RNF111: variants seen among roughly 807,000 people sequenced by gnomAD.
RNF111 encodes the protein E3 ubiquitin-protein ligase Arkadia.
A neutral mutation model predicts 95.1 loss-of-function variants in RNF111; 17 were observed. The ratio of observed to expected loss-of-function variants is 0.18; its 90% CI spans 0.12 to 0.27. The LOEUF (loss-of-function observed/expected upper bound fraction) is 0.27. Among genes scored for constraint, RNF111 ranks in the 10% least tolerant of loss-of-function variants. The pLI, the probability that RNF111 is intolerant of heterozygous loss-of-function variation, is 1.00. For synonymous variants in RNF111, 440 were observed against 414.8 expected (o/e 1.06, Z -0.74); for missense variants, 1,189 against 1,210.4 (o/e 0.98, Z 0.26).
At chr15:59,073,225 C>T (rs181422739) in intron 6 of RNF111, among the ~76,000 whole-genome samples, 1 of 152,166 alleles carries the variant, frequency 6.6e-6, no homozygotes, top group Admixed American at 6.6e-5. Flanking sequence ...AATCCCAGCA[C>T]TTTGTTTGAG....
chr15:59,027,836 CTTTT>C (rs77391394), intron 1 of RNF111, among the ~76,000 whole-genome samples: 7 of 139,364 alleles, frequency 5.0e-5, no homozygotes, highest in Non-Finnish European at 1.1e-4. Context: ...CCTGGCCCAC[CTTTT>C]TTTTTTTTTT....
intron 6 of RNF111, among the ~76,000 whole-genome samples, chr15:59,075,073 A>C (rs2043110247): frequency 1.3e-5 from 2 of 152,218 alleles, no homozygotes; most frequent in African/African-American, 2.4e-5. Context: ...TTATAATAGT[A>C]ACATCAATGA....
chr15:59,066,821 C>T lies in RNF111; in HGVS notation c.1424C>T (p.Pro475Leu). ...AVTETGPPAM[P>L]RLPSCCPQHS... is the part of the protein sequence containing the mutation. ...ACGGAAACTGGCCCTCCTGCAATGC[C>T]AAGGTTACCTTCCTGCTGTCCCCAG... Residue 475 changes from proline (P) to leucine (L), a missense_variant, in exon 6 of 14, where the codon CCA (proline) becomes CTA (leucine). Around this residue, in one of 2 missense-constraint regions of RNF111, gnomAD observed 1,024 missense variants for 925.9 expected, o/e 1.11. Coordinates refer to ENST00000348370, the MANE Select transcript of RNF111 (RefSeq NM_017610.8). 1.2e-6 allele frequency: 2 copies of T among 1,614,082 alleles called. No homozygotes were observed. Among genetic ancestry groups the T allele is most frequent in the South Asian group, 2.2e-5 (2 of 91,086 alleles).
At chr15:58,997,220 G>A (rs1413604998) in intron 1 of RNF111, among the ~76,000 whole-genome samples, 16 of 152,124 alleles carry the variant, frequency 1.1e-4, no homozygotes, top group African/African-American at 2.9e-4. Flanking sequence ...CTCTGAAGAT[G>A]TATCTCTTTC....
rs775637708 is a variant in RNF111 at position 59,081,149 on chromosome 15, C to T, written c.2162C>T (p.Pro721Leu). Residue 721 changes from proline (P) to leucine (L), a missense_variant, in exon 8 of 14, where the codon CCT (proline) becomes CTT (leucine). Pro to Leu is a moderately conservative substitution (Grantham distance 98, BLOSUM62 -3). Around this residue, in one of 2 missense-constraint regions of RNF111, gnomAD observed 1,024 missense variants for 925.9 expected, o/e 1.11. Coordinates refer to ENST00000348370, the MANE Select transcript of RNF111 (RefSeq NM_017610.8). ...TTAGCCAGTACAGCTGCACCAATCCCTCAGCATCTTCCTCCTACACACCAG... is the reference window on the plus strand; with the variant it reads ...TTAGCCAGTACAGCTGCACCAATCCTTCAGCATCTTCCTCCTACACACCAG... ...THLASTAAPIPQHLPPTHQPI... is the reference protein window; with the variant it reads ...THLASTAAPILQHLPPTHQPI... 6.2e-7 allele frequency: 1 copy of T among 1,614,212 alleles called. No individual in the cohort carries two copies. Among genetic ancestry groups the T allele is most frequent in the South Asian group, 1.1e-5 (1 of 91,082 alleles).
chr15:59,030,867 A>G lies in RNF111; in HGVS notation c.45A>G (p.Lys15=). ...TPEYNELYTL[K]VDMKSEIPSD... is the part of the protein sequence containing the mutation. ...AATATAACGAGCTCTACACCTTAAA[A>G]GTGGATATGAAGAGTGAGATTCCTT... Residue 15 remains lysine, a synonymous_variant, in exon 2 of 14, where the codon AAA becomes AAG. Coordinates refer to ENST00000348370, the MANE Select transcript of RNF111 (RefSeq NM_017610.8). 6.2e-7 allele frequency: 1 copy of G among 1,613,936 alleles called. No individual in the cohort carries two copies. The highest frequency in any genetic ancestry group is 8.5e-7 in the Non-Finnish European group (1 of 1,179,820).
chr15:59,002,818 C>A (rs767324843), intron 1 of RNF111, among the ~76,000 whole-genome samples: 1 of 152,180 alleles, frequency 6.6e-6, no homozygotes, highest in Non-Finnish European at 1.5e-5. Context: ...ACCTGTTAGG[C>A]ATATTCCTGT....
rs35375652 is a variant in RNF111, at chr15:58,995,465, G to GTT, written c.-20+7408_-20+7409dup. The stretch of plus-strand genomic sequence containing the variant: ...CTGTGTCTTTTTAACATAACCTCTT[G>GTT]TTTTTTTTTTTTGACGGAGTCTCAC... On this transcript the variant is annotated intron_variant, in intron 1 of 13. Transcript: ENST00000348370. 4.3e-3 allele frequency among the ~76,000 whole-genome samples: 634 copies of GTT among 146,404 alleles called. 4 individuals are homozygous for GTT. Among genetic ancestry groups the GTT allele is most frequent in the Middle Eastern group, 0.011 (3 of 284 alleles).
chr15:59,015,128 C>T (rs1205399664), intron 1 of RNF111, among the ~76,000 whole-genome samples: 1 of 152,218 alleles, frequency 6.6e-6, no homozygotes, highest in Non-Finnish European at 1.5e-5. Flanking sequence ...TCAGTACTTA[C>T]TAGGACCAAA....
intron 8 of RNF111, among the ~76,000 whole-genome samples, chr15:59,083,098 A>G (rs1336265309): frequency 6.6e-6 from 1 of 151,968 alleles, no homozygotes; most frequent in East Asian, 1.9e-4. Flanking sequence ...ACACTGAGCT[A>G]TGATTGTGCC....
At chr15:59,064,016 G>C (rs1392306416) in intron 5 of RNF111, among the ~76,000 whole-genome samples, 1 of 152,130 alleles carries the variant, frequency 6.6e-6, no homozygotes, top group Non-Finnish European at 1.5e-5. Flanking sequence ...GCTGTAGCAA[G>C]TAAAGCTACT....
chr15:59,042,185 A>G lies in RNF111; in HGVS notation c.881-10120A>G, dbSNP rs535339732. Among the ~76,000 whole-genome samples, 7 of 151,770 alleles carry G rather than the reference A, an allele frequency of 4.6e-5. No individual in the cohort carries two copies. In the South Asian group the frequency reaches 1.0e-3, roughly 23 times the overall value. On this transcript the variant is annotated intron_variant, in intron 2 of 13. Coordinates refer to ENST00000348370, the MANE Select transcript of RNF111 (RefSeq NM_017610.8). ...TGTCACCCAGGATGGAGTGCAGCATATTGCTGCCTCGGCTCATTGCAACCT... is the reference window on the plus strand; with the variant it reads ...TGTCACCCAGGATGGAGTGCAGCATGTTGCTGCCTCGGCTCATTGCAACCT...
chr15:59,067,438 CCTTT>C (rs2042714779), intron 6 of RNF111, among the ~76,000 whole-genome samples: 1 of 152,046 alleles, frequency 6.6e-6, no homozygotes, highest in Non-Finnish European at 1.5e-5. Flanking sequence ...AACCAACCCA[CCTTT>C]CTTTTTTAAT....
intron 4 of RNF111, 59 bp from the exon 5 acceptor site, chr15:59,058,297 A>C: frequency 1.5e-6 from 2 of 1,357,668 alleles, no homozygotes; most frequent in East Asian, 2.3e-5. Context: ...CTTACATTAA[A>C]ATATAACCCT....
chr15:59,068,681 C>T (rs757026474), intron 6 of RNF111, among the ~76,000 whole-genome samples: 53 of 152,184 alleles, frequency 3.5e-4, no homozygotes, highest in Non-Finnish European at 5.7e-4. Context: ...CCACCGTGCC[C>T]GGCCAAGCTA....
chr15:58,989,581 A>G (rs559355848), intron 1 of RNF111, among the ~76,000 whole-genome samples: 25 of 152,308 alleles, frequency 1.6e-4, no homozygotes, highest in African/African-American at 5.8e-4. Flanking sequence ...CTTGTTTGCT[A>G]GTTATTTCAC....
At chr15:59,055,166 C>T (rs995286036) in intron 3 of RNF111, among the ~76,000 whole-genome samples, 1 of 152,184 alleles carries the variant, frequency 6.6e-6, no homozygotes, top group Non-Finnish European at 1.5e-5. Flanking sequence ...AATGTCCTTA[C>T]CTCTACACAT....
chr15:59,016,280 C>T (rs1407427867), intron 1 of RNF111, among the ~76,000 whole-genome samples: 1 of 151,990 alleles, frequency 6.6e-6, no homozygotes, highest in African/African-American at 2.4e-5. Context: ...AGCGATTCTC[C>T]TGCCTCAGCC....
intron 6 of RNF111, among the ~76,000 whole-genome samples, chr15:59,074,275 G>T (rs2043068583): frequency 6.6e-6 from 1 of 152,188 alleles, no homozygotes; most frequent in Non-Finnish European, 1.5e-5. Context: ...GAATCATCCA[G>T]TCCTTGGAAA....
Sources: gnomAD v4.1 joint callset for allele counts (sites outside exome capture counted in the v4.1 genomes callset) on GRCh38, gnomAD v4.1.1 for gene constraint, gnomAD v4.1.1 regional missense constraint, MANE v1.5 for transcripts, NCBI Gene and HGNC (gene_info 2026-07-23, HGNC 2026-07-21) for gene names.